Variants in ATXN7L1 observed in about 807,000 individuals in gnomAD.
The protein encoded by ATXN7L1 is ataxin-7-like protein 1.
A neutral mutation model predicts 70.8 loss-of-function variants in ATXN7L1; 15 were observed. The ratio of observed to expected loss-of-function variants is 0.21; its 90% CI spans 0.14 to 0.33. The LOEUF (loss-of-function observed/expected upper bound fraction) is 0.33. ATXN7L1 is among the 10% of genes least tolerant of loss of function. The pLI, the probability that ATXN7L1 is intolerant of heterozygous loss-of-function variation, is 1.00. For missense variants in ATXN7L1, 975 were observed against 1,097.1 expected, an observed-to-expected ratio of 0.89 and a Z score of 1.57; for synonymous variants, 440 against 445.1, an observed-to-expected ratio of 0.99 and a Z score of 0.14.
At chr7:105,731,952 G>C (rs1220066354) in intron 3 of ATXN7L1, among the ~76,000 whole-genome samples, 1 of 151,784 alleles carries the variant, frequency 6.6e-6, no homozygotes, top group African/African-American at 2.4e-5. Flanking sequence ...AATTAGCCGG[G>C]CATGGTAGCG....
intron 9 of ATXN7L1, chr7:105,617,643 C>A: frequency 3.4e-6 from 1 of 291,408 alleles, no homozygotes; most frequent in Non-Finnish European, 6.7e-6. Flanking sequence ...TGTCAAATGG[C>A]AGTGGATTTC....
At chr7:105,808,507 C>T (rs1807936806) in intron 2 of ATXN7L1, among the ~76,000 whole-genome samples, 1 of 152,200 alleles carries the variant, frequency 6.6e-6, no homozygotes, top group African/African-American at 2.4e-5. Flanking sequence ...AATCCACTCT[C>T]TGTGGTGAAC....
At chr7:105,641,937 T>C (rs905069000) in intron 5 of ATXN7L1, among the ~76,000 whole-genome samples, 3 of 152,196 alleles carry the variant, frequency 2.0e-5, no homozygotes, top group African/African-American at 7.2e-5. Flanking sequence ...TTACCCACAA[T>C]TCCTTGGGTG....
At chr7:105,748,501 C>A (rs779487102) in intron 3 of ATXN7L1, among the ~76,000 whole-genome samples, 1 of 152,188 alleles carries the variant, frequency 6.6e-6, no homozygotes, top group Admixed American at 6.5e-5. Flanking sequence ...ACCTGTTGGA[C>A]CACACAAATG....
chr7:105,788,921 C>A (rs994199809), intron 2 of ATXN7L1, among the ~76,000 whole-genome samples: 1 of 152,216 alleles, frequency 6.6e-6, no homozygotes, highest in Admixed American at 6.5e-5. Flanking sequence ...TATTTCTCCC[C>A]TGGAAATGCA....
intron 4 of ATXN7L1, among the ~76,000 whole-genome samples, chr7:105,645,931 C>T (rs1798945736): frequency 1.3e-5 from 2 of 151,664 alleles, no homozygotes; most frequent in South Asian, 4.1e-4. Flanking sequence ...CACTTGAACC[C>T]AGGAGGCAGA....
At chr7:105,668,774 C>T (rs902996387) in intron 3 of ATXN7L1, among the ~76,000 whole-genome samples, 1 of 151,988 alleles carries the variant, frequency 6.6e-6, no homozygotes, top group Non-Finnish European at 1.5e-5. Context: ...CATGGTGGCT[C>T]ATGCCTATAA....
In ATXN7L1 at chr7:105,837,514, A is replaced by G. The variant is rs55685326; in HGVS notation, c.250+38298T>C. ...ATATGAAGGGTTGGAAGGATATACT[A>G]CTATCTGGCTGTTTTCAGAAGGGGT... On this transcript the variant is annotated intron_variant, in intron 2 of 11. Transcript: ENST00000419735. Among the ~76,000 whole-genome samples, 1,324 of 152,052 alleles carry G rather than the reference A, an allele frequency of 8.7e-3. 12 individuals are homozygous for G. Among genetic ancestry groups the G allele is most frequent in the Middle Eastern group, 0.017 (5 of 288 alleles).
At position 105,788,667 on chromosome 7, in the gene ATXN7L1, A is replaced by G; in HGVS notation, c.292T>C (p.Tyr98His). ...TTACAGGCACTGCACACTACGAGAT[A>G]GAAGTCGTCATGTGCTGGGTAATGG... ...FGHYPAHDDF[Y>H]LVVCSACNQV... The change falls in exon 3 of 12, where the codon TAT (tyrosine) becomes CAT (histidine). Residue 98 changes from tyrosine (Y) to histidine (H), a missense_variant. By Grantham distance (83) the Tyr-to-His change is moderately conservative. This residue lies in a region of ATXN7L1 where 135 missense variants were observed against 132.6 expected (regional missense o/e 1.02). Coordinates refer to ENST00000419735, the MANE Select transcript of ATXN7L1 (RefSeq NM_020725.2). 6.2e-7 allele frequency: 1 copy of G among 1,614,060 alleles called. No homozygotes were observed. The highest frequency in any genetic ancestry group is 8.5e-7 in the Non-Finnish European group (1 of 1,179,902).
chr7:105,607,599 C>A lies in ATXN7L1; in HGVS notation c.*253G>T. ...CCCCAAATTTGGAAGAATGTAAAAACATGGCAAATGAAAGGAAAGACAGCG... is the reference window on the plus strand; with the variant it reads ...CCCCAAATTTGGAAGAATGTAAAAAAATGGCAAATGAAAGGAAAGACAGCG... On this transcript the variant is annotated 3_prime_UTR_variant, in exon 12 of 12. Transcript: ENST00000419735. 1 of 534,768 alleles carries A rather than the reference C, an allele frequency of 1.9e-6. No homozygotes were observed. 33.1% of individuals were successfully genotyped at this position (534,768 alleles called of 1,614,324 possible).
intron 2 of ATXN7L1, among the ~76,000 whole-genome samples, chr7:105,813,032 C>T (rs1261223146): frequency 6.6e-6 from 1 of 152,092 alleles, no homozygotes; most frequent in African/African-American, 2.4e-5. Flanking sequence ...CCAAACCAAA[C>T]CAAACAACCC....
intron 2 of ATXN7L1, among the ~76,000 whole-genome samples, chr7:105,826,169 G>C (rs971847666): frequency 6.6e-6 from 1 of 152,174 alleles, no homozygotes; most frequent in South Asian, 2.1e-4. Flanking sequence ...GACTGCTATT[G>C]AATTAAGTTT....
chr7:105,825,875 G>C (rs982145979), intron 2 of ATXN7L1, among the ~76,000 whole-genome samples: 1 of 152,114 alleles, frequency 6.6e-6, no homozygotes, highest in Non-Finnish European at 1.5e-5. Flanking sequence ...TCAGATACTT[G>C]ATATTTACAA....
chr7:105,768,723 G>A (rs2108322), intron 3 of ATXN7L1, among the ~76,000 whole-genome samples: 8,376 of 152,250 alleles, frequency 0.055, 467 homozygotes, highest in East Asian at 0.27. Flanking sequence ...AGCAATGAAA[G>A]GGTAGACTAG....
chr7:105,604,895 T>G lies in ATXN7L1; in HGVS notation c.*2957A>C, dbSNP rs927479222. 3.9e-5 allele frequency among the ~76,000 whole-genome samples: 6 copies of G among 152,124 alleles called. No individual in the cohort carries two copies. Among genetic ancestry groups the G allele is most frequent in the African/African-American group, 1.2e-4 (5 of 41,412 alleles). On this transcript the variant is annotated 3_prime_UTR_variant, in exon 12 of 12. Coordinates refer to ENST00000419735, the MANE Select transcript of ATXN7L1 (RefSeq NM_020725.2). ...AAAATATAAGGTGTAAATAGAAAAT[T>G]TCTTTTTTTCCTTTTTTAAAACAAG... is the stretch of plus-strand genomic sequence containing the variant.
chr7:105,761,964 T>C (rs1800618088), intron 3 of ATXN7L1, among the ~76,000 whole-genome samples: 1 of 152,176 alleles, frequency 6.6e-6, no homozygotes, highest in Non-Finnish European at 1.5e-5. Flanking sequence ...ATAGGGGAGA[T>C]AAGAACAGAC....
chr7:105,724,426 T>A (rs549766237), intron 3 of ATXN7L1, among the ~76,000 whole-genome samples: 55 of 151,624 alleles, frequency 3.6e-4, no homozygotes, highest in African/African-American at 1.3e-3. Flanking sequence ...ATACAAAAAT[T>A]AGCTGGGTGT....
intron 3 of ATXN7L1, among the ~76,000 whole-genome samples, chr7:105,717,843 T>C (rs1452274023): frequency 1.3e-5 from 2 of 152,206 alleles, no homozygotes; most frequent in Non-Finnish European, 2.9e-5. Context: ...CACTCAAAAT[T>C]CAATGTTTTC....
intron 4 of ATXN7L1, among the ~76,000 whole-genome samples, chr7:105,657,792 C>T (rs1800919733): frequency 6.9e-6 from 1 of 144,584 alleles, no homozygotes; most frequent in African/African-American, 2.6e-5. Context: ...TTCATTTAAG[C>T]TGAGTTTGTT....
Sources: gnomAD v4.1 joint callset for allele counts (sites outside exome capture counted in the v4.1 genomes callset) on GRCh38, gnomAD v4.1.1 for gene constraint, gnomAD v4.1.1 regional missense constraint, MANE v1.5 for transcripts, NCBI Gene and HGNC (gene_info 2026-07-23, HGNC 2026-07-21) for gene names.